The following ATP1A2 variants were observed in gnomAD, a reference collection of about 807,000 sequenced individuals.
ATP1A2 encodes the protein sodium/potassium-transporting ATPase subunit alpha-2.
Under a neutral mutation model 113.1 loss-of-function variants are expected in ATP1A2, and 56 were observed. That is an observed-to-expected ratio of 0.49 (90% CI 0.40 to 0.62). The LOEUF (loss-of-function observed/expected upper bound fraction) is 0.62. ATP1A2 is among the 20% of genes least tolerant of loss of function. The probability of loss-of-function intolerance (pLI) is 0.00; values close to 1 mark genes in which losing one functional copy is unlikely to be tolerated. For synonymous variants in ATP1A2, 490 were observed against 526.8 expected, an observed-to-expected ratio of 0.93 and a Z score of 0.96; for missense variants, 712 against 1,357.8, an observed-to-expected ratio of 0.52 and a Z score of 7.47.
chr1:160,126,669 C>T (rs1447465954), intron 7 of ATP1A2, among the ~76,000 whole-genome samples: 1 of 152,108 alleles, frequency 6.6e-6, no homozygotes, highest in Non-Finnish European at 1.5e-5. Flanking sequence ...TGGGGTCTCA[C>T]TATGTTACCC....
Position 160,141,346 on chromosome 1 carries a change from A to G in ATP1A2, c.*24A>G. Reference sequence around the variant, plus strand: ...GACCCCATTGGAAGAAGAACCAGGCATGGAAAGATGGGGAGCTCTGGAGGT... The same window carrying G: ...GACCCCATTGGAAGAAGAACCAGGCGTGGAAAGATGGGGAGCTCTGGAGGT... On this transcript the variant is annotated 3_prime_UTR_variant, in exon 23 of 23. Coordinates refer to ENST00000361216, the MANE Select transcript of ATP1A2 (RefSeq NM_000702.4). The G allele has an allele frequency of 6.2e-7, 1 of 1,613,574 alleles. No individual in the cohort carries two copies. Among genetic ancestry groups the G allele is most frequent in the Non-Finnish European group, 8.5e-7 (1 of 1,179,448 alleles).
rs536071298 is a variant in ATP1A2, at chr1:160,125,327, A to G, written c.748+74A>G. 13 of 1,393,024 alleles carry G rather than the reference A, an allele frequency of 9.3e-6. No individual in the cohort carries two copies. In the African/African-American group the frequency reaches 1.8e-4, roughly 20 times the overall value. 86.3% of individuals were successfully genotyped at this position (1,393,024 alleles called of 1,614,324 possible). On this transcript the variant is annotated intron_variant, in intron 7 of 22. Coordinates refer to ENST00000361216, the MANE Select transcript of ATP1A2 (RefSeq NM_000702.4). ...CATAGTCAGGATGAAGGGCTCTGGT[A>G]GTACTTACCTGGCAAAAGCTCTGCC... is the stretch of plus-strand genomic sequence containing the variant.
rs541465027 is a variant in ATP1A2, at chr1:160,117,160, G to A, written c.12+1287G>A. On this transcript the variant is annotated intron_variant, in intron 1 of 22. Transcript: ENST00000361216. ...CCTGCCCTTAGGAGCTGTGAGGTAT[G>A]GGCTTCACGGAGGAAGAGGTCATAG... is the stretch of plus-strand genomic sequence containing the variant. 4.6e-5 allele frequency among the ~76,000 whole-genome samples: 7 copies of A among 152,294 alleles called. No individual in the cohort carries two copies. The South Asian group carries it at 1.5e-3, about 32-fold the overall frequency.
At chr1:160,136,518 C>T in intron 18 of ATP1A2, 52 bp from the exon 19 acceptor site, 2 of 1,613,950 alleles carry the variant, frequency 1.2e-6, no homozygotes, top group Admixed American at 3.3e-5. Flanking sequence ...GGGCTGTGCC[C>T]CTTCTGCTTC....
chr1:160,125,626 C>A, intron 7 of ATP1A2: 1 of 264,954 alleles, frequency 3.8e-6, no homozygotes, highest in Non-Finnish European at 7.4e-6. Context: ...TGCTTCTATT[C>A]CTTGTGGTTC....
Position 160,127,738 on chromosome 1 carries a change from G to A in ATP1A2, c.935G>A (p.Gly312Asp). ...TTCTTCGTGCTCTCCCTCATCCTGG[G>A]CTACAGCTGGCTGGAGGCAGTCATC... is the stretch of plus-strand genomic sequence containing the variant. Reference protein sequence around the residue: ...VSFFVLSLILGYSWLEAVIFL... With the variant: ...VSFFVLSLILDYSWLEAVIFL... The change falls in exon 8 of 23, where the codon GGC becomes GAC. Residue 312 changes from glycine to aspartate, a missense_variant. By Grantham distance (94) the Gly-to-Asp change is moderately conservative (BLOSUM62 -1). Coordinates refer to ENST00000361216, the MANE Select transcript of ATP1A2 (RefSeq NM_000702.4). The A allele has an allele frequency of 6.2e-7, 1 of 1,614,200 alleles. No individual in the cohort carries two copies. The highest frequency in any genetic ancestry group is 8.5e-7 in the Non-Finnish European group (1 of 1,180,022).
rs2101995864 is a variant in ATP1A2, at chr1:160,136,308, G to A, written c.2501G>A (p.Arg834Gln). Reference protein sequence around the residue: ...AESDIMKRQPRNSQTDKLVNE... With the variant: ...AESDIMKRQPQNSQTDKLVNE... ...AGTGATATCATGAAGCGGCAGCCAC[G>A]AAACTCCCAGACGGACAAGCTGGTG... The change falls in exon 18 of 23, where the codon CGA (arginine) becomes CAA (glutamine). Residue 834 changes from arginine to glutamine, a missense_variant. Physicochemically the swap from Arg to Gln is conservative, Grantham distance 43. Transcript: ENST00000361216. 1 of 1,614,142 alleles carries A rather than the reference G, an allele frequency of 6.2e-7. No homozygotes were observed. Among genetic ancestry groups the A allele is most frequent in the Non-Finnish European group, 8.5e-7 (1 of 1,180,026 alleles).
chr1:160,134,129 ACACACACACACACATACCC>A (rs1651851182), intron 13 of ATP1A2, among the ~76,000 whole-genome samples: 1 of 131,478 alleles, frequency 7.6e-6, no homozygotes, highest in African/African-American at 3.1e-5. Context: ...CACCCCACAT[ACACACACACACACATACCC>A]CACACACACA....
chr1:160,132,238 G>A (rs947137792), intron 13 of ATP1A2, among the ~76,000 whole-genome samples: 1 of 152,130 alleles, frequency 6.6e-6, no homozygotes, highest in Non-Finnish European at 1.5e-5. Context: ...GGGGAGAGGT[G>A]GCAAGGAGTA....
intron 1 of ATP1A2, among the ~76,000 whole-genome samples, chr1:160,116,345 G>T (rs139993464): frequency 6.6e-6 from 1 of 152,236 alleles, no homozygotes; most frequent in Admixed American, 6.5e-5. Context: ...TAGAGCATCC[G>T]GCTCCCAGAG....
chr1:160,123,855 G>T, intron 4 of ATP1A2, 88 bp from the exon 5 acceptor site: 1 of 1,181,156 alleles, frequency 8.5e-7, no homozygotes, highest in Non-Finnish European at 1.3e-6. Context: ...TGTCATCTTG[G>T]ATGGCACTGC....
At chr1:160,134,455 T>G in intron 13 of ATP1A2, 29 bp from the exon 14 acceptor site, 1 of 1,614,054 alleles carries the variant, frequency 6.2e-7, no homozygotes, top group Non-Finnish European at 8.5e-7. Flanking sequence ...TAATACTACT[T>G]TCCTGTTGTC....
intron 13 of ATP1A2, among the ~76,000 whole-genome samples, chr1:160,132,705 A>G (rs1651809155): frequency 6.6e-6 from 1 of 152,186 alleles, no homozygotes; most frequent in Non-Finnish European, 1.5e-5. Flanking sequence ...AAGAGTCTAT[A>G]AGATACCCCA....
At chr1:160,122,936 G>C (rs1651462302) in intron 3 of ATP1A2, among the ~76,000 whole-genome samples, 1 of 152,166 alleles carries the variant, frequency 6.6e-6, no homozygotes, top group Admixed American at 6.5e-5. Flanking sequence ...ACTGCCTCCA[G>C]GGGAGATGTT....
intron 5 of ATP1A2, 79 bp downstream of exon 5, chr1:160,124,135 G>T (rs1651506486): frequency 6.3e-7 from 1 of 1,583,872 alleles, no homozygotes; most frequent in East Asian, 2.2e-5. Context: ...CAGCTCCCAG[G>T]CTCTAAGATA....
intron 17 of ATP1A2, 40 bp downstream of exon 17, chr1:160,136,033 C>T (rs748763221): frequency 1.4e-5 from 23 of 1,613,796 alleles, no homozygotes; most frequent in Admixed American, 3.3e-5. Flanking sequence ...GCAAGGCAAT[C>T]GTGATGGCAC....
intron 22 of ATP1A2, 80 bp downstream of exon 22, chr1:160,140,064 CT>C (rs1332217793): frequency 7.3e-7 from 1 of 1,370,762 alleles, no homozygotes; most frequent in African/African-American, 1.4e-5. Flanking sequence ...GCAGACTCCA[CT>C]CCCACTACTG....
At chr1:160,120,375 C>T (rs560240204) in intron 1 of ATP1A2, among the ~76,000 whole-genome samples, 9 of 152,118 alleles carry the variant, frequency 5.9e-5, no homozygotes, top group Non-Finnish European at 1.3e-4. Context: ...CCTCTGGACA[C>T]GTTCCTGCCT....
At chr1:160,126,301 A>G (rs1177888047) in intron 7 of ATP1A2, among the ~76,000 whole-genome samples, 1 of 152,026 alleles carries the variant, frequency 6.6e-6, no homozygotes, top group Non-Finnish European at 1.5e-5. Flanking sequence ...TGTAATTTTT[A>G]TACTGTTTTG....
Sources: allele counts gnomAD v4.1 joint callset (sites outside exome capture counted in the v4.1 genomes callset), GRCh38; gene constraint gnomAD v4.1.1; transcripts MANE v1.5; gene names NCBI Gene and HGNC (gene_info 2026-07-23, HGNC 2026-07-21).